COL1A2: variants seen among roughly 807,000 people sequenced by gnomAD.
The protein encoded by COL1A2 is collagen type I alpha 2 chain.
COL1A2 carries 49 observed loss-of-function variants against 174.3 expected under a neutral mutation model. The observed-to-expected ratio is 0.28, with a 90% confidence interval of 0.22 to 0.36. COL1A2 has a LOEUF of 0.36. COL1A2 is among the 10% of genes least tolerant of loss of function. COL1A2 has a pLI of 1.00. For synonymous variants in COL1A2, 655 were observed against 606.6 expected, an observed-to-expected ratio of 1.08 and a Z score of -1.17; for missense variants, 1,438 against 1,822.7, an observed-to-expected ratio of 0.79 and a Z score of 3.84.
chr7:94,408,276 A>C lies in COL1A2; in HGVS notation c.693+40A>C, dbSNP rs571974425. The C allele has an allele frequency of 1.7e-5, 28 of 1,613,608 alleles. No homozygotes were observed. The South Asian group carries it at 3.0e-4, about 17-fold the overall frequency. Reference sequence around the variant, plus strand: ...TTTTGTTCAGTTTCATCCTTTTAAAAAATCTTCTAATGGCTGTCATTTAAG... The same window carrying C: ...TTTTGTTCAGTTTCATCCTTTTAAACAATCTTCTAATGGCTGTCATTTAAG... On this transcript the variant is annotated intron_variant, in intron 14 of 51. Transcript: ENST00000297268.
chr7:94,406,263 T>A lies in COL1A2; in HGVS notation c.554T>A (p.Leu185Gln). ...GFKGIRGHNG[L>Q]DGLKGQPGAP... The stretch of plus-strand genomic sequence containing the variant: ...CTTTCCTTTCAGGGACACAATGGTC[T>A]GGATGGATTGAAGGGACAGCCCGGT... The change falls in exon 12 of 52, where the codon CTG becomes CAG. Residue 185 changes from leucine (L) to glutamine (Q), a missense_variant. Around this residue, in one of 3 missense-constraint regions of COL1A2, gnomAD observed 281 missense variants for 310.9 expected, o/e 0.90. Coordinates refer to ENST00000297268, the MANE Select transcript of COL1A2 (RefSeq NM_000089.4). 1 of 1,613,992 alleles carries A rather than the reference T, an allele frequency of 6.2e-7. No individual in the cohort carries two copies. Among genetic ancestry groups the A allele is most frequent in the Non-Finnish European group, 8.5e-7 (1 of 1,179,866 alleles).
intron 34 of COL1A2, among the ~76,000 whole-genome samples, chr7:94,419,903 C>T (rs1008265975): frequency 4.6e-5 from 7 of 152,162 alleles, no homozygotes; most frequent in African/African-American, 1.7e-4. Flanking sequence ...TTGAACTCTC[C>T]ACTTAAAATA....
chr7:94,424,867 G>T (rs941287979), intron 41 of COL1A2: 4 of 539,788 alleles, frequency 7.4e-6, no homozygotes, highest in Non-Finnish European at 1.3e-5. Flanking sequence ...ATTTCATTTG[G>T]GATACTGAAT....
At chr7:94,412,745 AG>A in intron 25 of COL1A2, 63 bp downstream of exon 25, 1 of 1,373,206 alleles carries the variant, frequency 7.3e-7, no homozygotes, top group Non-Finnish European at 1.0e-6. Flanking sequence ...ACCAAACTCT[AG>A]TATTTATCTC....
intron 46 of COL1A2, 45 bp downstream of exon 46, chr7:94,426,575 C>T (rs538723990): frequency 3.5e-5 from 50 of 1,412,382 alleles, no homozygotes; most frequent in Admixed American, 5.8e-5. Flanking sequence ...ATCCTGAAGG[C>T]CTTCAGCTCA....
chr7:94,428,098 C>A (rs148809186), intron 49 of COL1A2, among the ~76,000 whole-genome samples, 195 bp from the exon 50 acceptor site: 1 of 152,198 alleles, frequency 6.6e-6, no homozygotes, highest in East Asian at 1.9e-4. Flanking sequence ...AATAAGTACC[C>A]TGATTTGATT....
intron 30 of COL1A2, among the ~76,000 whole-genome samples, chr7:94,415,871 T>A (rs1219899853): frequency 6.6e-6 from 1 of 152,162 alleles, no homozygotes; most frequent in Non-Finnish European, 1.5e-5. Flanking sequence ...GATATTTAGA[T>A]GTAAATTGGG....
At chr7:94,399,963 A>G (rs1791655418) in intron 4 of COL1A2, 3 of 624,070 alleles carry the variant, frequency 4.8e-6, no homozygotes, top group African/African-American at 3.7e-5. Context: ...ATGAATTAAT[A>G]TTCAATGGCC....
At chr7:94,395,287 A>C in intron 1 of COL1A2, 186 bp downstream of exon 1, 3 of 710,824 alleles carry the variant, frequency 4.2e-6, no homozygotes, top group Non-Finnish European at 5.2e-6. Flanking sequence ...GAAAACATAA[A>C]AGCCTTGCCA....
At chr7:94,417,430 C>T in intron 31 of COL1A2, 1 of 419,530 alleles carries the variant, frequency 2.4e-6, no homozygotes, top group East Asian at 5.0e-5. Flanking sequence ...TTACTCTCTG[C>T]TTCCCATTGT....
At chr7:94,410,758 G>A (rs1475839975) in intron 21 of COL1A2, 131 bp from the exon 22 acceptor site, 2 of 1,036,290 alleles carry the variant, frequency 1.9e-6, no homozygotes, top group Non-Finnish European at 1.5e-6. Flanking sequence ...TCTAGGGGTT[G>A]GGTGAAGTGT....
intron 50 of COL1A2, 62 bp from the exon 51 acceptor site, chr7:94,429,126 G>GTTTTTCT: frequency 1.4e-6 from 1 of 707,304 alleles, no homozygotes; most frequent in Admixed American, 3.5e-5. Context: ...TTTTTTTCAT[G>GTTTTTCT]TTTGACTCTT....
chr7:94,429,647 G>T (rs910685970), intron 51 of COL1A2: 1 of 535,850 alleles, frequency 1.9e-6, no homozygotes, highest in Non-Finnish European at 3.3e-6. Flanking sequence ...TAAATTCAGA[G>T]TATTCTTATC....
chr7:94,414,149 C>A, intron 28 of COL1A2, 73 bp from the exon 29 acceptor site: 1 of 1,527,036 alleles, frequency 6.5e-7, no homozygotes, highest in Non-Finnish European at 9.1e-7. Context: ...AGCCACCACC[C>A]CCAAACTCAA....
intron 45 of COL1A2, among the ~76,000 whole-genome samples, 163 bp downstream of exon 45, chr7:94,426,214 T>C (rs192884270): frequency 6.6e-6 from 1 of 152,366 alleles, no homozygotes; most frequent in African/African-American, 2.4e-5. Context: ...ATTTTAAATC[T>C]CTTATGCTTG....
chr7:94,397,862 T>C, intron 2 of COL1A2, 104 bp downstream of exon 2: 1 of 678,954 alleles, frequency 1.5e-6, no homozygotes, highest in Non-Finnish European at 2.5e-6. Context: ...TTGACCATCC[T>C]AGATTCCCAA....
Position 94,394,966 on chromosome 7 carries a change from G to A in COL1A2, c.-66G>A. On this transcript the variant is annotated 5_prime_UTR_variant, in exon 1 of 52. In the 5' UTR this introduces an upstream ATG that the reference lacks. Transcript: ENST00000297268. ...ACGACTGCATGCCCGCGCCCGCCAG[G>A]TGATACCTCCGCCGGTGACCCAGGG... The A allele has an allele frequency of 6.8e-7, 1 of 1,463,962 alleles. No individual in the cohort carries two copies. Among genetic ancestry groups the A allele is most frequent in the South Asian group, 1.1e-5 (1 of 87,986 alleles). The allele number at this position is 1,463,962 out of a possible 1,614,324, so 90.7% of individuals were successfully genotyped here.
At position 94,427,791 on chromosome 7, in the gene COL1A2, C is replaced by G. The variant is rs1364684337; in HGVS notation, c.3432C>G (p.Asn1144Lys). ...EVDATLKSLN[N>K]QIETLLTPEG... Reference sequence around the variant, plus strand: ...ATGCTACTCTGAAGTCTCTCAACAACCAGATTGAGACCCTTCTTACTCCTG... The same window carrying G: ...ATGCTACTCTGAAGTCTCTCAACAAGCAGATTGAGACCCTTCTTACTCCTG... The change falls in exon 49 of 52, where the codon AAC (asparagine) becomes AAG (lysine). Residue 1144 changes from asparagine to lysine, a missense_variant. Transcript: ENST00000297268. The G allele has an allele frequency of 6.2e-7, 1 of 1,613,910 alleles. No homozygotes were observed. The highest frequency in any genetic ancestry group is 1.3e-5 in the African/African-American group (1 of 74,892).
intron 17 of COL1A2, 72 bp downstream of exon 17, chr7:94,409,492 T>A: frequency 6.2e-7 from 1 of 1,611,126 alleles, no homozygotes; most frequent in Non-Finnish European, 8.5e-7. Flanking sequence ...AGAAGAAGAA[T>A]GAAGATGGGG....
Sources: allele counts gnomAD v4.1 joint callset (sites outside exome capture counted in the v4.1 genomes callset), GRCh38; gene constraint gnomAD v4.1.1; regional missense constraint gnomAD v4.1.1; transcripts MANE v1.5; gene names NCBI Gene and HGNC (gene_info 2026-07-23, HGNC 2026-07-21).